Variants in RBMS1 observed in about 807,000 individuals in gnomAD.
RBMS1 encodes the protein RNA binding motif single stranded interacting protein 1, also known as RNA-binding motif, single-stranded-interacting protein 1.
In RBMS1, 17 loss-of-function variants were observed where a neutral mutation model predicts 62.3. The ratio of observed to expected loss-of-function variants is 0.27; its 90% CI spans 0.19 to 0.41. The LOEUF (loss-of-function observed/expected upper bound fraction) is 0.41, where lower values mean the gene tolerates loss of function less well. Ranked by LOEUF, RBMS1 falls within the 10% of genes least tolerant of loss-of-function variation. The pLI is 1.00. For synonymous variants in RBMS1, 172 were observed against 170.0 expected, an observed-to-expected ratio of 1.01 and a Z score of -0.09; for missense variants, 334 against 504.5, an observed-to-expected ratio of 0.66 and a Z score of 3.24.
chr2:160,310,568 G>A (rs935733675), intron 4 of RBMS1, among the ~76,000 whole-genome samples: 2 of 152,146 alleles, frequency 1.3e-5, no homozygotes, highest in Non-Finnish European at 2.9e-5. Context: ...AAAGAAGCTT[G>A]GGGAACTTCT....
At chr2:160,333,359 C>A (rs930085186) in intron 2 of RBMS1, among the ~76,000 whole-genome samples, 1 of 152,172 alleles carries the variant, frequency 6.6e-6, no homozygotes, top group Non-Finnish European at 1.5e-5. Context: ...AACTTATGTG[C>A]CCTTTCCCAC....
intron 1 of RBMS1, among the ~76,000 whole-genome samples, chr2:160,379,135 C>T (rs1343128711): frequency 6.6e-6 from 1 of 151,958 alleles, no homozygotes; most frequent in Non-Finnish European, 1.5e-5. Flanking sequence ...CAGAGGATCA[C>T]TTGAGCCCAG....
At chr2:160,325,116 T>C (rs1199805359) in intron 2 of RBMS1, among the ~76,000 whole-genome samples, 1 of 151,928 alleles carries the variant, frequency 6.6e-6, no homozygotes, top group Non-Finnish European at 1.5e-5. Flanking sequence ...GCCAAGCATG[T>C]TGACAGCTAT....
At chr2:160,356,604 A>G (rs1692814140) in intron 2 of RBMS1, among the ~76,000 whole-genome samples, 1 of 152,158 alleles carries the variant, frequency 6.6e-6, no homozygotes, top group Non-Finnish European at 1.5e-5. Flanking sequence ...ATCCTAAGCA[A>G]TAAGAAAAAG....
chr2:160,407,031 GAC>G (rs147853303), intron 1 of RBMS1, among the ~76,000 whole-genome samples: 2 of 151,402 alleles, frequency 1.3e-5, no homozygotes, highest in African/African-American at 4.9e-5. Flanking sequence ...CAGAGACACA[GAC>G]ACACACACAC....
intron 9 of RBMS1, chr2:160,282,805 C>T (rs1688172974): frequency 6.5e-6 from 1 of 153,314 alleles, no homozygotes; most frequent in Admixed American, 6.5e-5. Flanking sequence ...ATTGCACACA[C>T]ACAAGCAACA....
chr2:160,402,559 T>C (rs750814199), intron 1 of RBMS1, among the ~76,000 whole-genome samples: 3 of 152,230 alleles, frequency 2.0e-5, no homozygotes, highest in East Asian at 3.8e-4. Context: ...GTGTCTAGTA[T>C]GTCATCTGTG....
intron 1 of RBMS1, among the ~76,000 whole-genome samples, chr2:160,392,442 T>G (rs1187136624): frequency 6.6e-6 from 1 of 151,308 alleles, no homozygotes; most frequent in Non-Finnish European, 1.5e-5. Context: ...CTTAAAATAT[T>G]TACTATCTGG....
chr2:160,296,750 T>C (rs1325131631), intron 6 of RBMS1, among the ~76,000 whole-genome samples: 1 of 152,186 alleles, frequency 6.6e-6, no homozygotes, highest in African/African-American at 2.4e-5. Flanking sequence ...ATTCACTGAA[T>C]CTATTAACTT....
chr2:160,374,811 T>C (rs1693907172), intron 1 of RBMS1, among the ~76,000 whole-genome samples: 1 of 151,516 alleles, frequency 6.6e-6, no homozygotes, highest in South Asian at 2.1e-4. Context: ...GCGCCTGTCA[T>C]CCCAGCTACT....
At chr2:160,379,178 C>T (rs1039363701) in intron 1 of RBMS1, among the ~76,000 whole-genome samples, 14 of 151,620 alleles carry the variant, frequency 9.2e-5, no homozygotes, top group African/African-American at 3.4e-4. Context: ...GAGTGTGCAC[C>T]ATTGCACCCC....
chr2:160,344,015 G>A (rs906652894), intron 2 of RBMS1, among the ~76,000 whole-genome samples: 36 of 152,088 alleles, frequency 2.4e-4, no homozygotes, highest in Admixed American at 6.6e-4. Flanking sequence ...ATATGAATAA[G>A]TTATTTTTCA....
intron 6 of RBMS1, among the ~76,000 whole-genome samples, chr2:160,290,630 C>T (rs996724734): frequency 6.6e-6 from 1 of 152,132 alleles, no homozygotes; most frequent in Non-Finnish European, 1.5e-5. Flanking sequence ...ATTCTCATCA[C>T]CCAAAACTAA....
At chr2:160,285,261 TA>T (rs796750881) in intron 7 of RBMS1, among the ~76,000 whole-genome samples, 3 of 150,160 alleles carry the variant, frequency 2.0e-5, no homozygotes, top group South Asian at 2.1e-4. Context: ...CCCTGTCTCT[TA>T]AAAAAAAAGG....
At chr2:160,277,459 T>G (rs925222234) in intron 11 of RBMS1, 76 bp from the exon 12 acceptor site, 1 of 1,066,272 alleles carries the variant, frequency 9.4e-7, no homozygotes, top group African/African-American at 1.6e-5. Context: ...GATTGTGAGA[T>G]GGATATAATG....
intron 6 of RBMS1, 129 bp from the exon 7 acceptor site, chr2:160,287,213 G>A (rs555550239): frequency 3.3e-6 from 4 of 1,206,044 alleles, no homozygotes; most frequent in East Asian, 4.8e-5. Context: ...GGCAAAAGCA[G>A]TTTACTCAGA....
At chr2:160,444,462 T>G (rs1683555237) in intron 1 of RBMS1, among the ~76,000 whole-genome samples, 1 of 152,220 alleles carries the variant, frequency 6.6e-6, no homozygotes, top group South Asian at 2.1e-4. Context: ...TCTGTGTACT[T>G]TGCGTGTCTT....
At chr2:160,406,017 A>G (rs935343378) in intron 1 of RBMS1, among the ~76,000 whole-genome samples, 2 of 152,220 alleles carry the variant, frequency 1.3e-5, no homozygotes, top group African/African-American at 4.8e-5. Context: ...ATGAAGCCAC[A>G]TGAAATGACT....
intron 6 of RBMS1, among the ~76,000 whole-genome samples, chr2:160,289,979 G>A (rs1479873935): frequency 1.3e-5 from 2 of 148,702 alleles, no homozygotes; most frequent in Non-Finnish European, 3.0e-5. Flanking sequence ...CCATGATGTT[G>A]AGCAAGGGTT....
Sources: allele counts gnomAD v4.1 joint callset (sites outside exome capture counted in the v4.1 genomes callset), GRCh38; gene constraint gnomAD v4.1.1; transcripts MANE v1.5; gene names NCBI Gene and HGNC (gene_info 2026-07-23, HGNC 2026-07-21).